The following PPP2R2C variants were observed in gnomAD, a reference collection of about 807,000 sequenced individuals.
The protein encoded by PPP2R2C is protein phosphatase 2, regulatory subunit B, gamma.
A neutral mutation model predicts 45.3 loss-of-function variants in PPP2R2C; 10 were observed. That is an observed-to-expected ratio of 0.22 (90% CI 0.14 to 0.37). The LOEUF is 0.37. Among genes scored for constraint, PPP2R2C ranks in the 10% least tolerant of loss-of-function variants. The probability of loss-of-function intolerance (pLI) is 1.00; values close to 1 mark genes in which losing one functional copy is unlikely to be tolerated. For synonymous variants in PPP2R2C, 257 were observed against 245.4 expected (o/e 1.05, Z -0.44); for missense variants, 308 against 619.7 (o/e 0.50, Z 5.34).
chr4:6,513,794 AG>A (rs1319014848), intron 2 of PPP2R2C, among the ~76,000 whole-genome samples: 2 of 152,162 alleles, frequency 1.3e-5, no homozygotes, highest in Non-Finnish European at 2.9e-5. Flanking sequence ...AGGCCAGGGA[AG>A]GGCCCCCAGA....
At chr4:6,476,897 A>G (rs747649807), upstream of PPP2R2C, among the ~76,000 whole-genome samples, 11 of 152,202 alleles carry the variant, frequency 7.2e-5, no homozygotes, top group Non-Finnish European at 1.6e-4. Flanking sequence ...TTGGGCACAT[A>G]GGTTGTTTGT....
chr4:6,473,076 T>A (rs1241529535), upstream of PPP2R2C, among the ~76,000 whole-genome samples: 1 of 151,876 alleles, frequency 6.6e-6, no homozygotes, highest in African/African-American at 2.4e-5. Flanking sequence ...TGGGGCCCGT[T>A]GGGAGCATTA....
chr4:6,392,583 G>A (rs997816405), intron 1 of PPP2R2C, among the ~76,000 whole-genome samples: 1 of 152,202 alleles, frequency 6.6e-6, no homozygotes, highest in Non-Finnish European at 1.5e-5. Flanking sequence ...GAGGTAGGGT[G>A]AGTTTGATCT....
intron 1 of PPP2R2C, among the ~76,000 whole-genome samples, chr4:6,465,744 C>T (rs1338192130): frequency 2.6e-5 from 4 of 152,004 alleles, no homozygotes; most frequent in Non-Finnish European, 5.9e-5. Flanking sequence ...CATAAGAGCA[C>T]GTAACTGGAA....
intron 6 of PPP2R2C, among the ~76,000 whole-genome samples, chr4:6,341,766 T>G (rs1268442140): frequency 6.6e-6 from 1 of 152,056 alleles, no homozygotes; most frequent in Admixed American, 6.6e-5. Context: ...GAGGTTGGAA[T>G]GATGAGCTGA....
chr4:6,376,566 A>G (rs910991500), intron 3 of PPP2R2C, among the ~76,000 whole-genome samples: 1 of 151,912 alleles, frequency 6.6e-6, no homozygotes, highest in African/African-American at 2.4e-5. Context: ...TGATCCTTCA[A>G]TCTCAGCCTC....
chr4:6,489,450 C>G (rs1183030286), intron 2 of PPP2R2C, among the ~76,000 whole-genome samples: 1 of 152,124 alleles, frequency 6.6e-6, no homozygotes, highest in East Asian at 1.9e-4. Context: ...GGATTCCCAG[C>G]ATAGCCCTCT....
intron 1 of PPP2R2C, among the ~76,000 whole-genome samples, chr4:6,444,862 A>G (rs1000647): frequency 0.087 from 13,232 of 152,134 alleles, 988 homozygotes; most frequent in East Asian, 0.39. Flanking sequence ...CCATGTGTTC[A>G]CCTTCACATC....
chr4:6,531,051 G>T (rs1318450386), intron 2 of PPP2R2C, among the ~76,000 whole-genome samples: 4 of 152,204 alleles, frequency 2.6e-5, no homozygotes, highest in Non-Finnish European at 4.4e-5. Flanking sequence ...AGCCAGCTTG[G>T]CATCCCCAAG....
intron 1 of PPP2R2C, chr4:6,382,791 G>A (rs958699713): frequency 1.8e-5 from 16 of 884,122 alleles, no homozygotes; most frequent in Non-Finnish European, 2.4e-5. Context: ...CTCACTGGAT[G>A]ACTGCCACAG....
At chr4:6,522,192 C>T (rs900650365) in intron 2 of PPP2R2C, among the ~76,000 whole-genome samples, 2 of 152,200 alleles carry the variant, frequency 1.3e-5, no homozygotes, top group South Asian at 4.1e-4. Context: ...CTGCCCTACC[C>T]CAGGAAGAGG....
chr4:6,413,613 T>G (rs10213597), intron 1 of PPP2R2C, among the ~76,000 whole-genome samples: 41,428 of 152,110 alleles, frequency 0.27, 6,025 homozygotes, highest in Admixed American at 0.39. Flanking sequence ...GACCCTGCTG[T>G]GAGAGAACAC....
At position 6,538,722 on chromosome 4, in the gene PPP2R2C, C is replaced by T. The variant is rs555145301; in HGVS notation, c.-58-3345G>A. Among the ~76,000 whole-genome samples, 66 of 152,336 alleles carry T rather than the reference C, an allele frequency of 4.3e-4. No individual in the cohort carries two copies. The South Asian group carries it at 4.8e-3, about 11-fold the overall frequency. On this transcript the variant is annotated intron_variant, in intron 1 of 9. Transcript: ENST00000506140. ...CCACGTGCTACGTTCACGAAAGAGC[C>T]GGCCGCCAATGCAGTCTGTCCCTCT...
intron 1 of PPP2R2C, among the ~76,000 whole-genome samples, chr4:6,436,893 G>A (rs1719923611): frequency 8.0e-5 from 1 of 12,428 alleles, no homozygotes; most frequent in African/African-American, 1.2e-4. Context: ...ATAAAGCTGA[G>A]GTCCAAATGC....
At position 6,459,386 on chromosome 4, in the gene PPP2R2C, C is replaced by T. The variant is rs116780363; in HGVS notation, c.70+12774G>A. Among the ~76,000 whole-genome samples the T allele has an allele frequency of 2.7e-3, 416 of 152,296 alleles. 4 individuals are homozygous for T. Among genetic ancestry groups the T allele is most frequent in the African/African-American group, 9.3e-3 (386 of 41,564 alleles). On this transcript the variant is annotated intron_variant, in intron 1 of 8. Coordinates refer to ENST00000382599, the MANE Select transcript of PPP2R2C (RefSeq NM_020416.4). ...TTTTTACTTAGCCTCCAAAGCTACA[C>T]GGTGTCACCTCCTCCATATTGTTGG...
chr4:6,387,362 T>A (rs557101877), intron 1 of PPP2R2C, among the ~76,000 whole-genome samples: 4 of 152,214 alleles, frequency 2.6e-5, no homozygotes, highest in Non-Finnish European at 5.9e-5. Flanking sequence ...GCAGCTAGAA[T>A]AAAAACAACA....
intron 1 of PPP2R2C, among the ~76,000 whole-genome samples, chr4:6,446,193 G>C (rs1329899602): frequency 6.6e-6 from 1 of 152,144 alleles, no homozygotes; most frequent in Admixed American, 6.5e-5. Flanking sequence ...CTAGAACCAC[G>C]TTCTGAGACT....
At chr4:6,496,862 A>AAAAT (rs58136718) in intron 2 of PPP2R2C, among the ~76,000 whole-genome samples, 46,864 of 138,764 alleles carry the variant, frequency 0.34, 8,167 homozygotes, top group Middle Eastern at 0.38. Flanking sequence ...ACTCCATCTC[A>AAAAT]AAATAAATAA....
chr4:6,383,305 G>C, intron 1 of PPP2R2C: 1 of 1,276,432 alleles, frequency 7.8e-7, no homozygotes, highest in Non-Finnish European at 1.0e-6. Flanking sequence ...GGCAAGCCCA[G>C]CCAAGCCCAG....
Sources: allele counts gnomAD v4.1 joint callset (sites outside exome capture counted in the v4.1 genomes callset), GRCh38; gene constraint gnomAD v4.1.1; transcripts MANE v1.5; gene names NCBI Gene and HGNC (gene_info 2026-07-23, HGNC 2026-07-21).